The following RANBP17 variants were observed in gnomAD, a reference collection of about 807,000 sequenced individuals.
RANBP17 encodes the protein ran-binding protein 17.
A neutral mutation model predicts 141.2 loss-of-function variants in RANBP17; 158 were observed. That is an observed-to-expected ratio of 1.12 (90% confidence interval 0.98 to 1.28). RANBP17 has a LOEUF of 1.28. RANBP17 is among the 50% of genes most tolerant of loss of function. RANBP17 has a pLI of 0.00. For synonymous variants in RANBP17, 430 were observed against 450.0 expected, an observed-to-expected ratio of 0.96 and a Z score of 0.56; for missense variants, 1,438 against 1,290.7, an observed-to-expected ratio of 1.11 and a Z score of -1.75.
At chr5:171,150,624 A>T (rs1039471496) in intron 14 of RANBP17, among the ~76,000 whole-genome samples, 2 of 152,198 alleles carry the variant, frequency 1.3e-5, no homozygotes, top group Non-Finnish European at 2.9e-5. Flanking sequence ...CAAGGTAGAT[A>T]TTATTGTCCT....
In RANBP17 at chr5:171,241,069, G is replaced by C; in HGVS notation, c.2564G>C (p.Gly855Ala). 3.7e-6 allele frequency: 6 copies of C among 1,613,704 alleles called. No individual in the cohort carries two copies. Among genetic ancestry groups the C allele is most frequent in the Non-Finnish European group, 5.1e-6 (6 of 1,179,870 alleles). The change falls in exon 23 of 28, where the codon GGG becomes GCG. Residue 855 changes from glycine (G) to alanine (A), a missense_variant. Gly to Ala is a moderately conservative substitution (Grantham distance 60, BLOSUM62 0). Transcript: ENST00000523189. The stretch of plus-strand genomic sequence containing the variant: ...AGCTTTGGCGTCTTCAAGTTGTATG[G>C]GGACAACCATTTTGACAATGTACTC... ...YVSFGVFKLY[G>A]DNHFDNVLQA...
Position 171,293,926 on chromosome 5 carries a change from G to A in RANBP17, c.2987G>A (p.Arg996Gln), listed in dbSNP as rs145801901. ...AACACCATTGTCTTTGAAGACTGTC[G>A]GAACCAGTGGTCAGTATCCAGGCCT... ...LMNTIVFEDC[R>Q]NQWSVSRPLL... Residue 996 changes from arginine (R) to glutamine (Q), a missense_variant, in exon 26 of 28, where the codon CGG becomes CAG. Physicochemically the swap from Arg to Gln is conservative, Grantham distance 43 (BLOSUM62 1). Transcript: ENST00000523189. The A allele has an allele frequency of 7.9e-5, 128 of 1,613,858 alleles. No individual in the cohort carries two copies. The African/African-American group carries it at 1.4e-3, about 18-fold the overall frequency.
chr5:171,067,667 G>C (rs1784390729), intron 14 of RANBP17, among the ~76,000 whole-genome samples: 1 of 151,810 alleles, frequency 6.6e-6, no homozygotes, highest in African/African-American at 2.4e-5. Context: ...GATATCAAAT[G>C]CTTAGTCAAC....
At chr5:171,052,937 C>G (rs2127654952) in intron 14 of RANBP17, among the ~76,000 whole-genome samples, 1 of 152,306 alleles carries the variant, frequency 6.6e-6, no homozygotes, top group East Asian at 1.9e-4. Flanking sequence ...ACAGCAACCT[C>G]TGCCTCCTGG....
At chr5:171,264,553 T>C (rs1766542747) in intron 24 of RANBP17, among the ~76,000 whole-genome samples, 1 of 152,160 alleles carries the variant, frequency 6.6e-6, no homozygotes, top group Non-Finnish European at 1.5e-5. Context: ...ATGGAGATAA[T>C]AACAGTAACT....
At chr5:171,208,801 A>G (rs908705169) in intron 20 of RANBP17, among the ~76,000 whole-genome samples, 4 of 152,174 alleles carry the variant, frequency 2.6e-5, no homozygotes, top group Non-Finnish European at 4.4e-5. Context: ...AATAAAACCT[A>G]TCTCACAGGT....
intron 14 of RANBP17, among the ~76,000 whole-genome samples, chr5:171,116,276 AT>A (rs57099196): frequency 0.064 from 9,436 of 147,814 alleles, 375 homozygotes; most frequent in Admixed American, 0.13. Flanking sequence ...AGATACTGTG[AT>A]TTTTTTTTTT....
chr5:170,967,447 TG>T (rs1776654788), intron 13 of RANBP17, among the ~76,000 whole-genome samples: 1 of 152,040 alleles, frequency 6.6e-6, no homozygotes, highest in South Asian at 2.1e-4. Context: ...ATATTCATTT[TG>T]TTAGCACAAG....
intron 14 of RANBP17, among the ~76,000 whole-genome samples, chr5:171,113,605 A>T (rs1328124674): frequency 6.6e-6 from 1 of 152,170 alleles, no homozygotes; most frequent in Admixed American, 6.5e-5. Context: ...CATTTTACAG[A>T]TAAGGAAATT....
In RANBP17 at chr5:171,298,876, T is replaced by G. The variant is rs755048171; in HGVS notation, c.*18T>G. On this transcript the variant is annotated 3_prime_UTR_variant, in exon 28 of 28. Coordinates refer to ENST00000523189, the MANE Select transcript of RANBP17 (RefSeq NM_022897.5). ...TGAGCTGACCCGACTTTTCTGACCA[T>G]GTGCGGAGCAGCCTTTATCAAGAGA... 6.2e-7 allele frequency: 1 copy of G among 1,600,146 alleles called. No individual in the cohort carries two copies. Among genetic ancestry groups the G allele is most frequent in the South Asian group, 1.1e-5 (1 of 90,718 alleles).
At chr5:170,899,361 T>C (rs902308924) in intron 5 of RANBP17, among the ~76,000 whole-genome samples, 1 of 152,224 alleles carries the variant, frequency 6.6e-6, no homozygotes, top group African/African-American at 2.4e-5. Context: ...TTTTTGCACA[T>C]TGATTTTGTA....
intron 14 of RANBP17, among the ~76,000 whole-genome samples, chr5:170,987,614 A>G (rs1778233472): frequency 6.6e-6 from 1 of 151,716 alleles, no homozygotes; most frequent in African/African-American, 2.4e-5. Context: ...AACTGTTTTT[A>G]AAAACACACA....
chr5:171,015,323 G>C (rs558843186), intron 14 of RANBP17, among the ~76,000 whole-genome samples: 26 of 152,166 alleles, frequency 1.7e-4, no homozygotes, highest in African/African-American at 6.0e-4. Context: ...CCAACAGCTT[G>C]CTGATGTCTT....
At chr5:170,864,899 G>A (rs1219613072) in intron 1 of RANBP17, among the ~76,000 whole-genome samples, 1 of 152,204 alleles carries the variant, frequency 6.6e-6, no homozygotes, top group Non-Finnish European at 1.5e-5. Context: ...AACTATGGAA[G>A]ATCCGTATGG....
intron 14 of RANBP17, among the ~76,000 whole-genome samples, chr5:170,975,055 C>G (rs556074936): frequency 1.3e-5 from 2 of 152,134 alleles, no homozygotes; most frequent in African/African-American, 2.4e-5. Flanking sequence ...CCAGGCACAC[C>G]TTTTGTGTTC....
chr5:171,079,010 A>G (rs1169958604), intron 14 of RANBP17, among the ~76,000 whole-genome samples: 1 of 152,230 alleles, frequency 6.6e-6, no homozygotes, highest in Non-Finnish European at 1.5e-5. Context: ...TGGGCAAAGT[A>G]AATTGAAAAC....
At chr5:171,205,322 A>G (rs531011812) in intron 19 of RANBP17, among the ~76,000 whole-genome samples, 5 of 152,304 alleles carry the variant, frequency 3.3e-5, no homozygotes, top group African/African-American at 1.2e-4. Flanking sequence ...ACTTAGCTAA[A>G]TTTATAAGAA....
At chr5:170,957,084 C>A (rs1462646509) in intron 13 of RANBP17, among the ~76,000 whole-genome samples, 1 of 151,024 alleles carries the variant, frequency 6.6e-6, no homozygotes, top group African/African-American at 2.4e-5. Context: ...CACACACACA[C>A]ACACACACAC....
At chr5:171,136,994 G>T (rs1285710868) in intron 14 of RANBP17, among the ~76,000 whole-genome samples, 3 of 151,846 alleles carry the variant, frequency 2.0e-5, no homozygotes, top group Non-Finnish European at 2.9e-5. Context: ...CTTGTGGCTG[G>T]CTTTTGTTTA....
Sources: allele counts gnomAD v4.1 joint callset (sites outside exome capture counted in the v4.1 genomes callset), GRCh38; gene constraint gnomAD v4.1.1; transcripts MANE v1.5; gene names NCBI Gene and HGNC (gene_info 2026-07-23, HGNC 2026-07-21).